The following SOX13 variants were observed in gnomAD, a reference collection of about 807,000 sequenced individuals.
The protein encoded by SOX13 is transcription factor SOX-13.
SOX13 carries 28 observed loss-of-function variants against 71.8 expected under a neutral mutation model. The observed-to-expected ratio is 0.39, with a 90% CI of 0.29 to 0.53. The LOEUF (loss-of-function observed/expected upper bound fraction) is 0.53. Ranked by LOEUF, SOX13 falls within the 20% of genes least tolerant of loss-of-function variation. The pLI is 0.70. For missense variants in SOX13, 627 were observed against 810.3 expected, an observed-to-expected ratio of 0.77 and a Z score of 2.75; for synonymous variants, 309 against 317.8, an observed-to-expected ratio of 0.97 and a Z score of 0.29.
intron 1 of SOX13, among the ~76,000 whole-genome samples, chr1:204,099,814 G>A (rs1467749080): frequency 6.6e-6 from 1 of 152,130 alleles, no homozygotes; most frequent in African/African-American, 2.4e-5. Flanking sequence ...AAAGTGATTC[G>A]AACAGTGCTT....
At chr1:204,105,653 G>T (rs911609210) in intron 1 of SOX13, among the ~76,000 whole-genome samples, 1 of 152,106 alleles carries the variant, frequency 6.6e-6, no homozygotes, top group Non-Finnish European at 1.5e-5. Flanking sequence ...TGATCAACCC[G>T]CCTCAGCCTC....
chr1:204,114,579 AC>A lies in SOX13; in HGVS notation c.393del (p.Ser132LeufsTer14), dbSNP rs1378019731. The A allele has an allele frequency of 6.2e-7, 1 of 1,613,586 alleles. No individual in the cohort carries two copies. The highest frequency in any genetic ancestry group is 1.7e-5 in the Admixed American group (1 of 60,000). On this transcript the variant is annotated frameshift_variant, in exon 4 of 14. Coordinates refer to ENST00000367204, the MANE Select transcript of SOX13 (RefSeq NM_005686.3). LOFTEE classifies it high-confidence loss of function. The stretch of plus-strand genomic sequence containing the variant: ...TGGAAGGAGAGGTTTCTAGGAAGGA[AC>A]TCTATGGAAGCCAAAGATGTCAAAG... ...SDWKERFLGRNSMEAKDVKGT... is the reference protein window; with the variant it reads ...SDWKERFLGRXSMEAKDVKGT...
chr1:204,123,033 G>C lies in SOX13; in HGVS notation c.1134+70G>C, dbSNP rs760313. 2 of 1,512,178 alleles carry C rather than the reference G, an allele frequency of 1.3e-6. No individual in the cohort carries two copies. The highest frequency in any genetic ancestry group is 1.8e-6 in the Non-Finnish European group (2 of 1,091,338). 93.7% of individuals were successfully genotyped at this position (1,512,178 alleles called of 1,614,324 possible). On this transcript the variant is annotated intron_variant, in intron 10 of 13. Coordinates refer to ENST00000367204, the MANE Select transcript of SOX13 (RefSeq NM_005686.3). The surrounding 1 kb of genome is among the most constrained non-coding windows in gnomAD (Gnocchi z 5.0). ...TGGCCAGGAGTGGAAGACACAGTCTGAGGCCACCAAGAGAGGAGCATGGGG... is the reference window on the plus strand; with the variant it reads ...TGGCCAGGAGTGGAAGACACAGTCTCAGGCCACCAAGAGAGGAGCATGGGG...
At chr1:204,115,477 T>G (rs1333996638) in intron 4 of SOX13, among the ~76,000 whole-genome samples, 11 of 47,500 alleles carry the variant, frequency 2.3e-4, no homozygotes, top group Admixed American at 1.1e-3. Context: ...CCGATGTTGT[T>G]TTTTTTTTTT....
Position 204,126,013 on chromosome 1 carries a change from A to C in SOX13, c.1748A>C (p.Glu583Ala), listed in dbSNP as rs1395224690. The C allele has an allele frequency of 6.2e-7, 1 of 1,613,716 alleles. No individual in the cohort carries two copies. The highest frequency in any genetic ancestry group is 8.5e-7 in the Non-Finnish European group (1 of 1,179,854). The change falls in exon 14 of 14, where the codon GAG becomes GCG. Residue 583 changes from glutamate to alanine, a missense_variant. Glu to Ala is a moderately radical substitution (Grantham distance 107, BLOSUM62 -1). Coordinates refer to ENST00000367204, the MANE Select transcript of SOX13 (RefSeq NM_005686.3). ...VIVNTCSLREEGEGTDDRHSV... is the reference protein window; with the variant it reads ...VIVNTCSLREAGEGTDDRHSV... ...GTCAACACCTGCAGCCTCAGAGAGG[A>C]GGGTGAGGGCACAGATGACAGGCAC...
chr1:204,111,604 C>T (rs767468322), intron 1 of SOX13, among the ~76,000 whole-genome samples: 15 of 152,210 alleles, frequency 9.9e-5, no homozygotes, highest in Non-Finnish European at 1.8e-4. Flanking sequence ...CTAGGAACTG[C>T]AAACTCAGAT....
rs559849895 is a variant in SOX13, at chr1:204,077,645, A to G, written c.-2+3934A>G. Among the ~76,000 whole-genome samples the G allele has an allele frequency of 2.0e-5, 3 of 152,370 alleles. No homozygotes were observed. The East Asian group carries it at 5.8e-4, about 29-fold the overall frequency. ...GAGAATTGTAAGTATACACATGGCT[A>G]TCATGCACACACGCAAGGACAGAAT... On this transcript the variant is annotated intron_variant, in intron 1 of 13. Coordinates refer to ENST00000367204, the MANE Select transcript of SOX13 (RefSeq NM_005686.3).
chr1:204,076,756 C>G (rs1008702745), intron 1 of SOX13, among the ~76,000 whole-genome samples: 47 of 152,174 alleles, frequency 3.1e-4, no homozygotes, highest in African/African-American at 1.1e-3. Context: ...GTTGGAGATC[C>G]TGCAATTGGC....
intron 1 of SOX13, among the ~76,000 whole-genome samples, chr1:204,112,553 C>T (rs1010179739): frequency 6.7e-5 from 10 of 150,086 alleles, no homozygotes; most frequent in Non-Finnish European, 1.3e-4. Context: ...TGTCGCTCTC[C>T]AACTCTGTTG....
In SOX13 at chr1:204,123,855, C is replaced by G; in HGVS notation, c.1375+51C>G. 1 of 1,599,238 alleles carries G rather than the reference C, an allele frequency of 6.3e-7. No homozygotes were observed. The highest frequency in any genetic ancestry group is 8.6e-7 in the Non-Finnish European group (1 of 1,167,886). Reference sequence around the variant, plus strand: ...GTTCAGTGTGACCTGGTTGCAGGAGCCAGCTGGGTCTATTCAGGGCTTGCT... The same window carrying G: ...GTTCAGTGTGACCTGGTTGCAGGAGGCAGCTGGGTCTATTCAGGGCTTGCT... On this transcript the variant is annotated intron_variant, in intron 12 of 13. Transcript: ENST00000367204. The surrounding 1 kb of genome is among the most constrained non-coding windows in gnomAD (Gnocchi z 5.0).
At chr1:204,082,556 ACCCCAGCCAT>A (rs1655931573) in intron 1 of SOX13, among the ~76,000 whole-genome samples, 1 of 151,956 alleles carries the variant, frequency 6.6e-6, no homozygotes, top group Non-Finnish European at 1.5e-5. Context: ...CAGTCATGGA[ACCCCAGCCAT>A]CCCCCTCGCC....
At chr1:204,108,152 A>C (rs1291718670) in intron 1 of SOX13, among the ~76,000 whole-genome samples, 2 of 152,228 alleles carry the variant, frequency 1.3e-5, no homozygotes, top group East Asian at 3.8e-4. Flanking sequence ...AGCTGTATTA[A>C]AAAGTATAAA....
intron 1 of SOX13, among the ~76,000 whole-genome samples, chr1:204,080,903 T>C (rs1655889950): frequency 6.7e-6 from 1 of 148,754 alleles, no homozygotes; most frequent in Admixed American, 6.7e-5. Flanking sequence ...TATCCTTTGT[T>C]GACTTTTTTT....
chr1:204,122,619 C>T, intron 9 of SOX13: 2 of 601,128 alleles, frequency 3.3e-6, no homozygotes, highest in African/African-American at 3.7e-5. Context: ...CACATAGTTC[C>T]AGGGGGTACT....
At chr1:204,125,643 T>G (rs977273754) in intron 13 of SOX13, among the ~76,000 whole-genome samples, 2 of 152,244 alleles carry the variant, frequency 1.3e-5, no homozygotes, top group African/African-American at 4.8e-5. Context: ...TATTATCTGT[T>G]GAACACATCT....
chr1:204,080,909 T>C (rs1367279128), intron 1 of SOX13, among the ~76,000 whole-genome samples: 1 of 147,224 alleles, frequency 6.8e-6, no homozygotes, highest in Non-Finnish European at 1.5e-5. Flanking sequence ...TTGTTGACTT[T>C]TTTTTTTTTT....
chr1:204,080,906 CTTTTTTTTT>C (rs1180508830), intron 1 of SOX13, among the ~76,000 whole-genome samples: 1 of 122,756 alleles, frequency 8.1e-6, no homozygotes, highest in African/African-American at 3.2e-5. Flanking sequence ...CCTTTGTTGA[CTTTTTTTTT>C]TTTTTTTTTT....
intron 1 of SOX13, among the ~76,000 whole-genome samples, chr1:204,087,130 G>T (rs1211834602): frequency 2.0e-5 from 3 of 152,136 alleles, no homozygotes; most frequent in African/African-American, 7.2e-5. Flanking sequence ...CACCGTGTTA[G>T]CCAGGATGGT....
Position 204,121,905 on chromosome 1 carries a change from T to A in SOX13, c.781T>A (p.Tyr261Asn), listed in dbSNP as rs1656812803. The A allele has an allele frequency of 1.2e-6, 2 of 1,610,932 alleles. No homozygotes were observed. Among genetic ancestry groups the A allele is most frequent in the South Asian group, 1.1e-5 (1 of 90,918 alleles). The change falls in exon 8 of 14, where the codon TAT becomes AAT. Residue 261 changes from tyrosine (Y) to asparagine (N), a missense_variant. By Grantham distance (143) the Tyr-to-Asn change is moderately radical. Coordinates refer to ENST00000367204, the MANE Select transcript of SOX13 (RefSeq NM_005686.3). ...IQPIPCKPVE[Y>N]PLQLLHSPPA... ...CCTTGCTGCCTTTTCCATAGTGGAG[T>A]ATCCGCTGCAGCTGCTGCACAGCCC...
Sources: allele counts gnomAD v4.1 joint callset (sites outside exome capture counted in the v4.1 genomes callset), GRCh38; gene constraint gnomAD v4.1.1; non-coding constraint Gnocchi (gnomAD v3.1); transcripts MANE v1.5; gene names NCBI Gene and HGNC (gene_info 2026-07-23, HGNC 2026-07-21).